The following IGSF11 variants were observed in gnomAD, a reference collection of about 807,000 sequenced individuals.
IGSF11 encodes the protein CXADR like 1.
Under a neutral mutation model 41.0 loss-of-function variants are expected in IGSF11, and 22 were observed. That is an observed-to-expected ratio of 0.54 (90% CI 0.38 to 0.77). The LOEUF is 0.77. Ranked by LOEUF, IGSF11 falls within the 30% of genes least tolerant of loss-of-function variation. The probability of loss-of-function intolerance (pLI) is 0.00; values close to 1 mark genes in which losing one functional copy is unlikely to be tolerated. For missense variants in IGSF11, 444 were observed against 530.8 expected, an observed-to-expected ratio of 0.84 and a Z score of 1.61; for synonymous variants, 219 against 201.3, an observed-to-expected ratio of 1.09 and a Z score of -0.74.
intron 4 of IGSF11, among the ~76,000 whole-genome samples, chr3:118,919,307 T>C (rs1355042909): frequency 7.2e-6 from 1 of 138,860 alleles, no homozygotes; most frequent in Non-Finnish European, 1.5e-5. Flanking sequence ...GAAACTACCA[T>C]CAGAGTGAAC....
chr3:118,980,332 C>G (rs533218790), intron 1 of IGSF11, among the ~76,000 whole-genome samples: 3 of 152,164 alleles, frequency 2.0e-5, no homozygotes, highest in Non-Finnish European at 4.4e-5. Flanking sequence ...CAATGGAAAT[C>G]TATTGACCAT....
chr3:119,111,954 T>A (rs1208323579), intron 1 of IGSF11, among the ~76,000 whole-genome samples: 1 of 152,160 alleles, frequency 6.6e-6, no homozygotes, highest in African/African-American at 2.4e-5. Context: ...CTCTGGAAGT[T>A]TTGTCTCAGA....
chr3:119,094,671 A>T (rs1252560660), intron 1 of IGSF11, among the ~76,000 whole-genome samples: 2 of 137,490 alleles, frequency 1.5e-5, no homozygotes, highest in African/African-American at 2.7e-5. Context: ...GAGCAACTCT[A>T]TTTTTTTTTT....
At chr3:118,949,318 C>T (rs1373059305) in intron 1 of IGSF11, 2 of 90,966 alleles carry the variant, frequency 2.2e-5, no homozygotes, top group Non-Finnish European at 4.2e-5. Flanking sequence ...GCTTTAGCCA[C>T]CTGAGGAAAA....
In IGSF11 at chr3:119,045,078, C is replaced by G. The variant is rs113932915; in HGVS notation, c.49+60066G>C. On this transcript the variant is annotated intron_variant, in intron 1 of 6. Transcript: ENST00000354673. ...AATACTAACACTGAATGTAAATGGC[C>G]TAAATGCTCCACTTAAAAAATAGAG... 8.5e-3 allele frequency among the ~76,000 whole-genome samples: 1,300 copies of G among 152,326 alleles called. 26 individuals carry two copies. Among genetic ancestry groups the G allele is most frequent in the African/African-American group, 0.029 (1,222 of 41,570 alleles).
chr3:119,019,996 C>G (rs764671885), intron 1 of IGSF11, among the ~76,000 whole-genome samples: 2 of 152,280 alleles, frequency 1.3e-5, no homozygotes, highest in South Asian at 4.1e-4. Flanking sequence ...CCCCAGGGAG[C>G]TCTTTGCCCC....
At chr3:119,073,101 G>A (rs2107469353) in intron 1 of IGSF11, among the ~76,000 whole-genome samples, 1 of 152,186 alleles carries the variant, frequency 6.6e-6, no homozygotes, top group Middle Eastern at 3.4e-3. Context: ...GTGGTGATTG[G>A]TGTGTTTATA....
At chr3:119,084,707 G>A (rs1246283332) in intron 1 of IGSF11, among the ~76,000 whole-genome samples, 1 of 152,240 alleles carries the variant, frequency 6.6e-6, no homozygotes, top group Non-Finnish European at 1.5e-5. Flanking sequence ...TACAGTGCAG[G>A]CTCTACTGCC....
At chr3:119,117,871 T>C in intron 1 of IGSF11, among the ~76,000 whole-genome samples, 1 of 152,188 alleles carries the variant, frequency 6.6e-6, no homozygotes, top group East Asian at 1.9e-4. Context: ...CTATAGGCCC[T>C]ATGTAAGTCC....
At chr3:118,907,934 T>C (rs1460010487) in intron 4 of IGSF11, among the ~76,000 whole-genome samples, 1 of 152,222 alleles carries the variant, frequency 6.6e-6, no homozygotes, top group East Asian at 1.9e-4. Flanking sequence ...AACTAAGCAA[T>C]GTGCCTATCT....
chr3:119,077,854 C>A lies in IGSF11; in HGVS notation c.49+27290G>T, dbSNP rs1229612977. ...AGTTTGAGGATACAAAATCAATGTA[C>A]AAAAATCAGTAGCATTTCTATACAC... On this transcript the variant is annotated intron_variant, in intron 1 of 6. Transcript: ENST00000354673. Among the ~76,000 whole-genome samples the A allele has an allele frequency of 2.6e-5, 4 of 152,194 alleles. 1 individual carries two copies. The East Asian group carries it at 5.8e-4, about 22-fold the overall frequency.
At chr3:118,977,551 C>A (rs113379151) in intron 1 of IGSF11, among the ~76,000 whole-genome samples, 2,416 of 152,262 alleles carry the variant, frequency 0.016, 77 homozygotes, top group African/African-American at 0.054. Flanking sequence ...AGAGAGAACA[C>A]TGAAATTCAG....
At chr3:119,039,588 G>A (rs1255113447), upstream of IGSF11, among the ~76,000 whole-genome samples, 2 of 152,110 alleles carry the variant, frequency 1.3e-5, no homozygotes, top group Admixed American at 1.3e-4. Flanking sequence ...TTTGTGGGGG[G>A]CCCTTATTCT....
intron 1 of IGSF11, among the ~76,000 whole-genome samples, chr3:118,982,951 T>C (rs1026515971): frequency 3.3e-5 from 5 of 152,186 alleles, no homozygotes; most frequent in African/African-American, 1.2e-4. Context: ...TGTGAATCCA[T>C]CATCTCAACA....
At chr3:119,141,027 G>C (rs1363372655) in intron 1 of IGSF11, among the ~76,000 whole-genome samples, 1 of 126,622 alleles carries the variant, frequency 7.9e-6, no homozygotes, top group Non-Finnish European at 1.6e-5. Context: ...TGGGCCACAG[G>C]AGACTCTGTC....
In IGSF11 at chr3:119,024,672, C is replaced by T. The variant is rs1320903704; in HGVS notation, c.52+9859G>A. ...TCACTATATCCCTGCCTAAAACTTG[C>T]TTTTTTTTTAAGCTCACAAGCTTGT... On this transcript the variant is annotated intron_variant, in intron 1 of 6. Transcript: ENST00000393775. 6.6e-5 allele frequency among the ~76,000 whole-genome samples: 10 copies of T among 151,138 alleles called. No homozygotes were observed. In the South Asian group the frequency reaches 1.3e-3, roughly 19 times the overall value.
rs1559861923 is a variant in IGSF11 at position 118,902,151 on chromosome 3, T to G, written c.*369A>C. 5.4e-6 allele frequency: 1 copy of G among 184,298 alleles called. No individual in the cohort carries two copies. Among genetic ancestry groups the G allele is most frequent in the Non-Finnish European group, 1.1e-5 (1 of 87,272 alleles). The allele number at this position is 184,298 out of a possible 1,614,324, so 11.4% of individuals were successfully genotyped here. A position where few individuals can be genotyped will look rare whatever the true frequency, so the allele number is the denominator to read the frequency against. On this transcript the variant is annotated 3_prime_UTR_variant, in exon 7 of 7. Transcript: ENST00000393775. ...CCTACCTTTTAAAATAATTTCAATATTTAAACTCCATCTGGCACTTTAATC... is the reference window on the plus strand; with the variant it reads ...CCTACCTTTTAAAATAATTTCAATAGTTAAACTCCATCTGGCACTTTAATC...
intron 1 of IGSF11, among the ~76,000 whole-genome samples, chr3:118,958,665 T>C (rs990240707): frequency 1.3e-5 from 2 of 152,176 alleles, no homozygotes; most frequent in Non-Finnish European, 2.9e-5. Flanking sequence ...AATTCAAAAA[T>C]GAAGAATGCT....
chr3:119,140,186 C>T (rs2077623880), intron 1 of IGSF11, among the ~76,000 whole-genome samples: 1 of 151,944 alleles, frequency 6.6e-6, no homozygotes, highest in Admixed American at 6.5e-5. Context: ...TGGACCCTCC[C>T]CCCAAAAAAA....
Sources: gnomAD v4.1 joint callset for allele counts (sites outside exome capture counted in the v4.1 genomes callset) on GRCh38, gnomAD v4.1.1 for gene constraint, MANE v1.5 for transcripts, NCBI Gene and HGNC (gene_info 2026-07-23, HGNC 2026-07-21) for gene names.